The following NLRP5 variants were observed in gnomAD, a reference collection of about 807,000 sequenced individuals.
NLRP5 encodes the protein NLR family pyrin domain containing 5, also known as NACHT, LRR and PYD domains-containing protein 5.
Under a neutral mutation model 113.1 loss-of-function variants are expected in NLRP5, and 93 were observed. That is an observed-to-expected ratio of 0.82 (90% CI 0.70 to 0.98). The LOEUF is 0.98. Among genes scored for constraint, NLRP5 ranks in the 50% least tolerant of loss-of-function variants. The probability of loss-of-function intolerance (pLI) is 0.00; values close to 1 mark genes in which losing one functional copy is unlikely to be tolerated. For missense variants in NLRP5, 1,808 were observed against 1,514.3 expected (o/e 1.19, Z -3.22); for synonymous variants, 751 against 600.7 (o/e 1.25, Z -3.66).
At chr19:56,056,325 AG>A (rs373562224) in intron 13 of NLRP5, among the ~76,000 whole-genome samples, 7 of 152,114 alleles carry the variant, frequency 4.6e-5, no homozygotes, top group African/African-American at 7.2e-5. Context: ...TGGGAGGCTG[AG>A]GGGGGTGGAT....
intron 2 of NLRP5, among the ~76,000 whole-genome samples, chr19:56,005,027 G>A (rs1286035282): frequency 6.7e-6 from 1 of 150,240 alleles, no homozygotes; most frequent in Non-Finnish European, 1.5e-5. Flanking sequence ...CCGGGAGGCA[G>A]AGGTTGCAGT....
At chr19:56,036,337 G>C (rs1983315986) in intron 9 of NLRP5, among the ~76,000 whole-genome samples, 1 of 151,198 alleles carries the variant, frequency 6.6e-6, no homozygotes, top group African/African-American at 2.4e-5. Flanking sequence ...AAAGTGCTGG[G>C]ATTACAGGCT....
chr19:56,047,330 T>C (rs1456241714), intron 11 of NLRP5, among the ~76,000 whole-genome samples: 3 of 152,204 alleles, frequency 2.0e-5, no homozygotes, highest in African/African-American at 7.2e-5. Context: ...TGTGACCTTA[T>C]AGTATCAGTT....
Position 56,028,456 on chromosome 19 carries a change from A to G in NLRP5, c.2223A>G (p.Lys741=), listed in dbSNP as rs1982968453. The change falls in exon 7 of 15, where the codon AAA becomes AAG. Residue 741 remains lysine (K), a synonymous_variant. Coordinates refer to ENST00000390649, the MANE Select transcript of NLRP5 (RefSeq NM_153447.4). ...TGCGGAAAATTCGGGTGGATGTCAAAGGGATCTTCCCAAGAGATGAGTCCG... is the reference window on the plus strand; with the variant it reads ...TGCGGAAAATTCGGGTGGATGTCAAGGGGATCTTCCCAAGAGATGAGTCCG... The G allele has an allele frequency of 1.9e-6, 3 of 1,613,904 alleles. No homozygotes were observed. The highest frequency in any genetic ancestry group is 2.2e-5 in the South Asian group (2 of 91,080).
chr19:56,003,475 G>A (rs1267814430), intron 1 of NLRP5, among the ~76,000 whole-genome samples: 1 of 152,102 alleles, frequency 6.6e-6, no homozygotes, highest in East Asian at 1.9e-4. Context: ...TTTTGAGTAT[G>A]ACATACTAGC....
intron 10 of NLRP5, among the ~76,000 whole-genome samples, chr19:56,038,978 C>T (rs1347112453): frequency 6.6e-6 from 1 of 152,122 alleles, no homozygotes; most frequent in African/African-American, 2.4e-5. Flanking sequence ...GCCTGGCCCA[C>T]TTGCTTACTG....
intron 11 of NLRP5, among the ~76,000 whole-genome samples, chr19:56,048,664 T>C (rs1163003870): frequency 6.6e-6 from 1 of 152,172 alleles, no homozygotes; most frequent in Non-Finnish European, 1.5e-5. Flanking sequence ...TCCTTCATCT[T>C]AATTTTAGAT....
At chr19:56,022,756 C>T (rs1435587394) in intron 6 of NLRP5, among the ~76,000 whole-genome samples, 6 of 152,082 alleles carry the variant, frequency 3.9e-5, no homozygotes, top group Non-Finnish European at 8.8e-5. Flanking sequence ...CTGAGTTTAG[C>T]TCTTGTTGTC....
upstream of NLRP5, among the ~76,000 whole-genome samples, chr19:55,998,713 T>TATATATAC (rs1332477650): frequency 6.5e-5 from 8 of 122,170 alleles, no homozygotes; most frequent in Non-Finnish European, 6.6e-5. Context: ...TGTGTGTGTG[T>TATATATAC]GTATATATAT....
chr19:56,041,837 G>A (rs374807206), intron 11 of NLRP5, among the ~76,000 whole-genome samples: 3 of 151,914 alleles, frequency 2.0e-5, no homozygotes, highest in South Asian at 2.1e-4. Flanking sequence ...TAATCCCAGC[G>A]ACTCAGGAGG....
At chr19:56,045,676 A>G (rs955373149) in intron 11 of NLRP5, among the ~76,000 whole-genome samples, 3 of 151,918 alleles carry the variant, frequency 2.0e-5, no homozygotes, top group African/African-American at 7.3e-5. Flanking sequence ...TGTCCTTGGG[A>G]TAGTCTGGAG....
chr19:56,028,771 A>C (rs1036048284), intron 7 of NLRP5, among the ~76,000 whole-genome samples: 7 of 152,076 alleles, frequency 4.6e-5, no homozygotes, highest in African/African-American at 1.4e-4. Flanking sequence ...TATGTGGTTT[A>C]TTTTATTATT....
chr19:56,051,631 C>A (rs1403614089), intron 12 of NLRP5, among the ~76,000 whole-genome samples: 1 of 152,186 alleles, frequency 6.6e-6, no homozygotes, highest in African/African-American at 2.4e-5. Flanking sequence ...TGGCATTGGT[C>A]TCACATTGTG....
chr19:55,990,663 A>G, the NLRP5 span, among the ~76,000 whole-genome samples: 1 of 152,074 alleles, frequency 6.6e-6, no homozygotes, highest in East Asian at 1.9e-4. Context: ...CGTCTCTACT[A>G]AAAATACAAA....
At chr19:56,054,988 TC>T (rs1568504128) in intron 13 of NLRP5, among the ~76,000 whole-genome samples, 9 of 117,608 alleles carry the variant, frequency 7.7e-5, no homozygotes, top group East Asian at 2.4e-4. Flanking sequence ...TGGGCACCCC[TC>T]CCCTTTTTTT....
At chr19:56,006,016 T>A (rs1289211837) in intron 2 of NLRP5, among the ~76,000 whole-genome samples, 1 of 152,134 alleles carries the variant, frequency 6.6e-6, no homozygotes, top group Non-Finnish European at 1.5e-5. Flanking sequence ...TAAATTCTCA[T>A]ATGTCTGGTG....
At chr19:56,013,478 T>G (rs1193998548) in intron 3 of NLRP5, among the ~76,000 whole-genome samples, 1 of 151,966 alleles carries the variant, frequency 6.6e-6, no homozygotes, top group Non-Finnish European at 1.5e-5. Context: ...AACATAATGT[T>G]TTAAAGATTT....
chr19:55,994,570 G>C, the NLRP5 span, among the ~76,000 whole-genome samples: 5 of 152,054 alleles, frequency 3.3e-5, no homozygotes, highest in African/African-American at 1.2e-4. Context: ...GCTAATTTTT[G>C]TATTTCTAGT....
At chr19:55,988,440 G>GTATATATATATATATATATATATATATA in the NLRP5 span, 1 of 100,560 alleles carries the variant, frequency 9.9e-6, no homozygotes, top group South Asian at 3.1e-4. Flanking sequence ...ATATATGTGT[G>GTATATATATATATATATATATATATATA]TGTGTATATA....
Sources: allele counts gnomAD v4.1 joint callset (sites outside exome capture counted in the v4.1 genomes callset), GRCh38; gene constraint gnomAD v4.1.1; transcripts MANE v1.5; gene names NCBI Gene and HGNC (gene_info 2026-07-23, HGNC 2026-07-21).